Variants in BMP7 observed in about 807,000 individuals in gnomAD.
The protein encoded by BMP7 is bone morphogenetic protein 7.
A neutral mutation model predicts 41.2 loss-of-function variants in BMP7; 12 were observed. That is an observed-to-expected ratio of 0.29 (90% CI 0.19 to 0.47). The LOEUF is 0.47. Ranked by LOEUF, BMP7 falls within the 20% of genes least tolerant of loss-of-function variation. BMP7 has a pLI of 0.99. For missense variants in BMP7, 467 were observed against 606.0 expected, an observed-to-expected ratio of 0.77 and a Z score of 2.41; for synonymous variants, 248 against 250.0, an observed-to-expected ratio of 0.99 and a Z score of 0.07.
intron 1 of BMP7, among the ~76,000 whole-genome samples, chr20:57,255,276 T>G (rs183593197): frequency 6.6e-6 from 1 of 152,270 alleles, no homozygotes; most frequent in Non-Finnish European, 1.5e-5. Context: ...TTGGGCCCCT[T>G]CAGCATCCTC....
chr20:57,217,634 C>T lies in BMP7; in HGVS notation c.611+10595G>A, dbSNP rs566505196. Among the ~76,000 whole-genome samples, 8 of 152,256 alleles carry T rather than the reference C, an allele frequency of 5.3e-5. No individual in the cohort carries two copies. In the South Asian group the frequency reaches 1.0e-3, roughly 20 times the overall value. On this transcript the variant is annotated intron_variant, in intron 2 of 6. Coordinates refer to ENST00000395863, the MANE Select transcript of BMP7 (RefSeq NM_001719.3). ...GGACTCTGCATCAACTCCCTCCAAA[C>T]GCTGGGTGACTGTCACTTTCAGAAA...
Position 57,224,804 on chromosome 20 carries a change from AC to A in BMP7, c.611+3424del, listed in dbSNP as rs1304282650. 1 of 152,350 alleles carries A rather than the reference AC, an allele frequency of 6.6e-6. No homozygotes were observed. Among genetic ancestry groups the A allele is most frequent in the Non-Finnish European group, 1.5e-5 (1 of 68,122 alleles). The allele number at this position is 152,350 out of a possible 1,614,324, so 9.4% of individuals were successfully genotyped here. A position where few individuals can be genotyped will look rare whatever the true frequency, so the allele number is the denominator to read the frequency against. On this transcript the variant is annotated intron_variant, in intron 2 of 6. Transcript: ENST00000395863. The surrounding 1 kb of genome is among the most constrained non-coding windows in gnomAD (Gnocchi z 4.8). Reference sequence around the variant, plus strand: ...CCACAGCCCGCCAAGGGCGGCTCCAACATGTCTTTCCAGCTGTCTGGGGCCG... The same window carrying A: ...CCACAGCCCGCCAAGGGCGGCTCCAAATGTCTTTCCAGCTGTCTGGGGCCG...
chr20:57,192,005 AAT>A (rs1984371597), intron 3 of BMP7, among the ~76,000 whole-genome samples: 2 of 125,986 alleles, frequency 1.6e-5, no homozygotes, highest in East Asian at 2.1e-4. Context: ...TTGTATATGT[AAT>A]ATATATTATA....
rs1568718086 is a variant in BMP7 at position 57,216,505 on chromosome 20, C to CTGTCTCCTGAGGGT, written c.611+11723_611+11724insACCCTCAGGAGACA. ...GGACGAGGGCGCTGTCTCCTGAGGG[C>CTGTCTCCTGAGGGT]GAGGGGGCTGTCTCCTGAGGGCGAG... On this transcript the variant is annotated intron_variant, in intron 2 of 6. Transcript: ENST00000395863. 3.4e-5 allele frequency among the ~76,000 whole-genome samples: 5 copies of CTGTCTCCTGAGGGT among 148,534 alleles called. No homozygotes were observed. The East Asian group carries it at 1.0e-3, about 30-fold the overall frequency.
chr20:57,264,460 C>T (rs1416819028), intron 1 of BMP7, among the ~76,000 whole-genome samples: 2 of 152,220 alleles, frequency 1.3e-5, no homozygotes, highest in Non-Finnish European at 2.9e-5. Flanking sequence ...AGTCCCGCAG[C>T]GCGCTGGCGC....
chr20:57,238,661 C>G (rs1044048987), intron 1 of BMP7, among the ~76,000 whole-genome samples: 43 of 151,744 alleles, frequency 2.8e-4, no homozygotes, highest in African/African-American at 1.0e-3. Context: ...CTGTATTAGT[C>G]TGTTTTCATG....
chr20:57,182,226 G>A (rs957359039), intron 4 of BMP7, among the ~76,000 whole-genome samples: 3 of 152,222 alleles, frequency 2.0e-5, no homozygotes, highest in Non-Finnish European at 2.9e-5. Flanking sequence ...TGTGCAGGGG[G>A]CATGAGCCAG....
intron 2 of BMP7, among the ~76,000 whole-genome samples, chr20:57,210,858 G>A (rs1428359488): frequency 6.6e-6 from 1 of 152,248 alleles, no homozygotes; most frequent in Non-Finnish European, 1.5e-5. Flanking sequence ...TTAATTTTCA[G>A]CTTGGAAAGA....
At chr20:57,199,804 G>A (rs1984580499) in intron 3 of BMP7, among the ~76,000 whole-genome samples, 1 of 152,182 alleles carries the variant, frequency 6.6e-6, no homozygotes, top group Non-Finnish European at 1.5e-5. Context: ...CCCGACTTGG[G>A]CAACCACACA....
chr20:57,215,839 CA>C lies in BMP7; in HGVS notation c.611+12389del, dbSNP rs1399319478. The C allele has an allele frequency of 2.6e-5, 4 of 152,016 alleles. No individual in the cohort carries two copies. Among genetic ancestry groups the C allele is most frequent in the Non-Finnish European group, 5.9e-5 (4 of 68,034 alleles). The allele number at this position is 152,016 out of a possible 1,614,324, so 9.4% of individuals were successfully genotyped here. On this transcript the variant is annotated intron_variant, in intron 2 of 6. Coordinates refer to ENST00000395863, the MANE Select transcript of BMP7 (RefSeq NM_001719.3). This position sits in a 1 kb window ranked among gnomAD's most constrained non-coding sequence, Gnocchi z 4.2. ...TTCAGCCCCTTTCCTGAAGCACACT[CA>C]AGGAATAAACAAGCACCACAAATAC...
chr20:57,200,562 A>T (rs943503627), intron 3 of BMP7, among the ~76,000 whole-genome samples: 3 of 152,232 alleles, frequency 2.0e-5, no homozygotes, highest in Non-Finnish European at 4.4e-5. Context: ...GGCAAGACAG[A>T]GAAGCACAGA....
At chr20:57,183,021 G>T (rs540208691) in intron 4 of BMP7, among the ~76,000 whole-genome samples, 70 of 152,280 alleles carry the variant, frequency 4.6e-4, no homozygotes, top group Middle Eastern at 3.4e-3. Flanking sequence ...GATCACTTGA[G>T]GTCAGGAGTT....
At chr20:57,235,136 C>T (rs1389645576) in intron 1 of BMP7, among the ~76,000 whole-genome samples, 1 of 152,258 alleles carries the variant, frequency 6.6e-6, no homozygotes, top group Non-Finnish European at 1.5e-5. Context: ...GATGTGTTCT[C>T]TTCTGTGTCT....
At chr20:57,226,579 G>A (rs948303955) in intron 2 of BMP7, among the ~76,000 whole-genome samples, 2 of 152,210 alleles carry the variant, frequency 1.3e-5, no homozygotes, top group African/African-American at 4.8e-5. Context: ...AGGGCACCCC[G>A]TGTGAACCCC....
intron 1 of BMP7, among the ~76,000 whole-genome samples, chr20:57,231,241 T>C (rs1330192934): frequency 6.6e-6 from 1 of 152,264 alleles, no homozygotes; most frequent in African/African-American, 2.4e-5. Context: ...TGCATGTTCA[T>C]TCATCCTCAT....
In BMP7 at chr20:57,259,213, C is replaced by T. The variant is rs558661120; in HGVS notation, c.418+6492G>A. ...GTTACACGGCAGTGAAGCCCCCAAT[C>T]CCCCACCCCATATATCACCCAGAAT... On this transcript the variant is annotated intron_variant, in intron 1 of 6. Coordinates refer to ENST00000395863, the MANE Select transcript of BMP7 (RefSeq NM_001719.3). The surrounding 1 kb of genome is among the most constrained non-coding windows in gnomAD (Gnocchi z 4.7). Among the ~76,000 whole-genome samples, 2 of 151,990 alleles carry T rather than the reference C, an allele frequency of 1.3e-5. No homozygotes were observed. The highest frequency in any genetic ancestry group is 4.2e-4 in the South Asian group (2 of 4,796).
At chr20:57,198,694 C>T (rs1467653367) in intron 3 of BMP7, among the ~76,000 whole-genome samples, 2 of 152,198 alleles carry the variant, frequency 1.3e-5, no homozygotes, top group African/African-American at 4.8e-5. Context: ...CGAGACCCCC[C>T]ACCACCCGTG....
At chr20:57,198,082 GCTCTCCTCTCCCCCTTCTCTCCTCTT>G (rs1984540116) in intron 3 of BMP7, among the ~76,000 whole-genome samples, 2 of 144,130 alleles carry the variant, frequency 1.4e-5, no homozygotes, top group African/African-American at 2.6e-5. Flanking sequence ...CTCTCCTCTC[GCTCTCCTCTCCCCCTTCTCTCCTCTT>G]GCTCTCCTCT....
At chr20:57,255,714 T>G in intron 1 of BMP7, among the ~76,000 whole-genome samples, 1 of 145,836 alleles carries the variant, frequency 6.9e-6, no homozygotes, top group Non-Finnish European at 1.5e-5. Context: ...GCAGGAGAAT[T>G]GCTTGAAGCC....
Sources: allele counts gnomAD v4.1 joint callset (sites outside exome capture counted in the v4.1 genomes callset), GRCh38; gene constraint gnomAD v4.1.1; non-coding constraint Gnocchi (gnomAD v3.1); transcripts MANE v1.5; gene names NCBI Gene and HGNC (gene_info 2026-07-23, HGNC 2026-07-21).